Variants in USP39 observed in about 807,000 individuals in gnomAD.
The protein encoded by USP39 is ubiquitin carboxyl-terminal hydrolase 39.
A neutral mutation model predicts 66.4 loss-of-function variants in USP39; 38 were observed. The observed-to-expected ratio is 0.57, with a 90% confidence interval of 0.44 to 0.75. USP39 has a LOEUF of 0.75. USP39 is among the 30% of genes least tolerant of loss of function. The probability of loss-of-function intolerance (pLI) is 0.00; values close to 1 mark genes in which losing one functional copy is unlikely to be tolerated. For synonymous variants in USP39, 303 were observed against 274.6 expected (o/e 1.10, Z -1.02); for missense variants, 608 against 714.4 (o/e 0.85, Z 1.70).
upstream of USP39, chr2:85,611,160 A>T (rs1452682324): frequency 5.0e-6 from 4 of 795,630 alleles, no homozygotes; most frequent in Admixed American, 1.5e-4. Flanking sequence ...GTAAGCCCAG[A>T]TCGCACCATT....
At chr2:85,633,459 T>G (rs1002849373) in intron 6 of USP39, among the ~76,000 whole-genome samples, 3 of 152,162 alleles carry the variant, frequency 2.0e-5, no homozygotes, top group Non-Finnish European at 4.4e-5. Context: ...GACATCAGAC[T>G]TATGAATTTG....
At position 85,649,005 on chromosome 2, in the gene USP39, A is replaced by AT. The variant is rs1186788878; in HGVS notation, c.*204dup. 4 of 648,894 alleles carry AT rather than the reference A, an allele frequency of 6.2e-6. No homozygotes were observed. The highest frequency in any genetic ancestry group is 1.8e-5 in the African/African-American group (1 of 54,906). 40.2% of individuals were successfully genotyped at this position (648,894 alleles called of 1,614,324 possible). Reference sequence around the variant, plus strand: ...ACTGTCACTCAGCTGTTCTTTGATCATTTTTTTCTAGATTGATGCTCCTTT... The same window carrying AT: ...ACTGTCACTCAGCTGTTCTTTGATCATTTTTTTTCTAGATTGATGCTCCTTT... On this transcript the variant is annotated 3_prime_UTR_variant, in exon 13 of 13. Coordinates refer to ENST00000323701, the MANE Select transcript of USP39 (RefSeq NM_006590.4).
In USP39 at chr2:85,618,557, G is replaced by A. The variant is rs1359937815; in HGVS notation, c.269-663G>A. 9.1e-4 allele frequency among the ~76,000 whole-genome samples: 125 copies of A among 137,180 alleles called. 2 individuals are homozygous for A. The highest frequency in any genetic ancestry group is 3.1e-3 in the African/African-American group (115 of 37,016). The allele number at this position is 137,180 out of a possible 152,430, so 90.0% of individuals were successfully genotyped here. A position where few individuals can be genotyped will look rare whatever the true frequency, so the allele number is the denominator to read the frequency against. On this transcript the variant is annotated intron_variant, in intron 1 of 12. Transcript: ENST00000323701. Reference sequence around the variant, plus strand: ...AGCCTGGGGGACAGAGCGAGACTCCGTCTCAAAAAAAAAAAAACAAAAAAA... The same window carrying A: ...AGCCTGGGGGACAGAGCGAGACTCCATCTCAAAAAAAAAAAAACAAAAAAA...
chr2:85,640,772 C>CTTT (rs962406690), intron 9 of USP39, among the ~76,000 whole-genome samples: 3 of 128,640 alleles, frequency 2.3e-5, no homozygotes, highest in Admixed American at 8.1e-5. Context: ...CAGGCCCGGC[C>CTTT]TTTTTTTTTT....
chr2:85,606,158 C>A (rs541214618), intron 1 of USP39, among the ~76,000 whole-genome samples: 2 of 152,294 alleles, frequency 1.3e-5, no homozygotes, highest in East Asian at 3.9e-4. Flanking sequence ...ATATGCCTAT[C>A]AGATTGTGTG....
At chr2:85,608,843 C>A, upstream of USP39, 1 of 1,517,582 alleles carries the variant, frequency 6.6e-7, no homozygotes, top group South Asian at 1.3e-5. Context: ...CTGGGGGTCT[C>A]AAGATCAGAC....
upstream of USP39, chr2:85,612,425 T>A (rs535644376): frequency 1.3e-4 from 185 of 1,453,040 alleles, no homozygotes; most frequent in African/African-American, 2.2e-3. Context: ...ACGCTGCCAC[T>A]TCTCAGTTTC....
chr2:85,648,653 G>A, intron 12 of USP39, 108 bp from the exon 13 acceptor site: 3 of 1,338,938 alleles, frequency 2.2e-6, no homozygotes, highest in South Asian at 2.4e-5. Context: ...TAGCAGATTT[G>A]TAAATGGGGT....
upstream of USP39, chr2:85,607,865 A>G (rs1673274623): frequency 6.6e-6 from 1 of 152,240 alleles, no homozygotes; most frequent in Non-Finnish European, 1.5e-5. Flanking sequence ...TGCATTAGAA[A>G]AAATGTTCAC....
At chr2:85,644,877 T>C in intron 10 of USP39, 71 bp from the exon 11 acceptor site, 1 of 1,583,350 alleles carries the variant, frequency 6.3e-7, no homozygotes, top group South Asian at 1.1e-5. Context: ...TGTGGTCCGT[T>C]TGTGTAGGAC....
In USP39 at chr2:85,616,289, C is replaced by T; in HGVS notation, c.94C>T (p.Arg32Ter). The T allele has an allele frequency of 6.4e-7, 1 of 1,561,368 alleles. No homozygotes were observed. Among genetic ancestry groups the T allele is most frequent in the Non-Finnish European group, 8.7e-7 (1 of 1,151,474 alleles). The change falls in exon 1 of 13, where the codon CGA becomes TGA. Residue 32 changes from arginine (R) to a stop codon, truncating the protein, a stop_gained. Coordinates refer to ENST00000323701, the MANE Select transcript of USP39 (RefSeq NM_006590.4). LOFTEE classifies it high-confidence loss of function. The part of the protein sequence containing the change: ...RGSSGRVKRE[R>*]DREREPEAAS... ...CAGCTCCGGTCGCGTCAAGCGGGAG[C>T]GAGATCGGGAGCGGGAGCCTGAGGC...
rs555765963 is a variant in USP39 at position 85,639,254 on chromosome 2, A to G, written c.1147A>G (p.Met383Val). The change falls in exon 9 of 13, where the codon ATG (methionine) becomes GTG (valine). Residue 383 changes from methionine to valine, a missense_variant. Met to Val is a conservative substitution (Grantham distance 21). This residue lies in a region of USP39 where 164 missense variants were observed against 250.3 expected (regional missense o/e 0.66). Transcript: ENST00000323701. ...CCATAATGACGAGTACCAGGAGACA[A>G]TGGTGGAGTCCACTTTTATGTACCT... ...LLHNDEYQETMVESTFMYLTL... is the reference protein window; with the variant it reads ...LLHNDEYQETVVESTFMYLTL... 4.3e-6 allele frequency: 7 copies of G among 1,614,012 alleles called. No individual in the cohort carries two copies. The African/African-American group carries it at 8.0e-5, about 18-fold the overall frequency.
intron 1 of USP39, among the ~76,000 whole-genome samples, chr2:85,618,852 C>T (rs1387691672): frequency 1.3e-5 from 2 of 151,982 alleles, no homozygotes; most frequent in Non-Finnish European, 2.9e-5. Flanking sequence ...TCACTGCAAC[C>T]GCCTTCTCCC....
Position 85,625,524 on chromosome 2 carries a change from T to G in USP39, c.571-15T>G. On this transcript the variant is annotated splice_polypyrimidine_tract_variant and intron_variant, in intron 4 of 12. Coordinates refer to ENST00000323701, the MANE Select transcript of USP39 (RefSeq NM_006590.4). ...TCAGCTCTTAAACAACTTAGCATTTTCTTTTGCTTTGCAGTATGTGTTGAA... is the reference window on the plus strand; with the variant it reads ...TCAGCTCTTAAACAACTTAGCATTTGCTTTTGCTTTGCAGTATGTGTTGAA... 2 of 1,613,262 alleles carry G rather than the reference T, an allele frequency of 1.2e-6. No homozygotes were observed. The highest frequency in any genetic ancestry group is 2.2e-5 in the East Asian group (1 of 44,830).
chr2:85,611,585 G>T, upstream of USP39: 4 of 1,551,996 alleles, frequency 2.6e-6, no homozygotes, highest in Non-Finnish European at 3.5e-6. Context: ...TTAGGAGTAA[G>T]AAGTGGTTTT....
intron 3 of USP39, 94 bp downstream of exon 3, chr2:85,621,673 A>G: frequency 1.0e-6 from 1 of 965,736 alleles, no homozygotes; most frequent in Non-Finnish European, 1.6e-6. Flanking sequence ...AATCATATCT[A>G]ATAATTTCTA....
intron 10 of USP39, among the ~76,000 whole-genome samples, chr2:85,641,907 T>TAAAAA (rs759697072): frequency 2.2e-5 from 2 of 91,290 alleles, no homozygotes; most frequent in African/African-American, 8.1e-5. Flanking sequence ...GTGACTGTGC[T>TAAAAA]AAAAAAAAAA....
At chr2:85,637,492 G>A (rs930910547) in intron 8 of USP39, 56 bp downstream of exon 8, 1 of 1,576,820 alleles carries the variant, frequency 6.3e-7, no homozygotes. Flanking sequence ...GGGGACGTAG[G>A]GGAGATGAAG....
chr2:85,616,552 C>G, intron 1 of USP39, 89 bp downstream of exon 1: 1 of 817,516 alleles, frequency 1.2e-6, no homozygotes, highest in South Asian at 2.5e-5. Flanking sequence ...GGTCACTGCG[C>G]CGGAGTTGGG....
Sources: allele counts gnomAD v4.1 joint callset (sites outside exome capture counted in the v4.1 genomes callset), GRCh38; gene constraint gnomAD v4.1.1; regional missense constraint gnomAD v4.1.1; transcripts MANE v1.5; gene names NCBI Gene and HGNC (gene_info 2026-07-23, HGNC 2026-07-21).